Variants in CHM observed in about 807,000 individuals in gnomAD.
CHM encodes the protein CHM Rab escort protein, also known as rab proteins geranylgeranyltransferase component A 1.
A neutral mutation model predicts 49.0 loss-of-function variants in CHM; 10 were observed. The observed-to-expected ratio is 0.20, with a 90% CI of 0.13 to 0.35. CHM has a LOEUF of 0.35. CHM is among the 10% of genes least tolerant of loss of function. The pLI is 1.00. For synonymous variants in CHM, 184 were observed against 167.5 expected, an observed-to-expected ratio of 1.10 and a Z score of -0.76; for missense variants, 455 against 478.4, an observed-to-expected ratio of 0.95 and a Z score of 0.46.
At position 85,864,008 on chromosome X, in the gene CHM, A is replaced by C. The variant is rs1923532868; in HGVS notation, c.*622T>G. 8.9e-6 allele frequency: 1 copy of C among 112,318 alleles called. No individual in the cohort carries two copies. The highest frequency in any genetic ancestry group is 3.7e-4 in the South Asian group (1 of 2,736). 9.3% of individuals were successfully genotyped at this position (112,318 alleles called of 1,213,427 possible). The stretch of plus-strand genomic sequence containing the variant: ...ATTGACCTTTCCCAATATGTAAATA[A>C]TTTACAAACAAATATCACTACTGAT... On this transcript the variant is annotated 3_prime_UTR_variant, in exon 15 of 15. Coordinates refer to ENST00000357749, the MANE Select transcript of CHM (RefSeq NM_000390.4).
Position 85,894,178 on chromosome X carries a change from C to T in CHM, c.1510+10G>A, listed in dbSNP as rs779922845. On this transcript the variant is annotated intron_variant, in intron 12 of 14. Coordinates refer to ENST00000357749, the MANE Select transcript of CHM (RefSeq NM_000390.4). ...ACACAAAATACAAATAACCACTCTA[C>T]TATGCTTACAGGTGCCTTTCATGCA... 1 of 1,188,837 alleles carries T rather than the reference C, an allele frequency of 8.4e-7. No homozygotes were observed. Among genetic ancestry groups the T allele is most frequent in the Non-Finnish European group, 1.1e-6 (1 of 874,721 alleles).
In CHM at chrX:85,933,084, T is replaced by TG. The variant is rs1431437880; in HGVS notation, c.1167-21747dup. Among the ~76,000 whole-genome samples the TG allele has an allele frequency of 3.6e-5, 4 of 111,162 alleles. 1 individual carries two copies. Among genetic ancestry groups the TG allele is most frequent in the African/African-American group, 6.5e-5 (2 of 30,548 alleles). On this transcript the variant is annotated intron_variant, in intron 8 of 14. Transcript: ENST00000357749. ...TCAAAGCCAGGCACAGTGGTGTGCT[T>TG]GTAGTCCCAGTTACTTGGGAGGCTA...
Position 85,964,105 on chromosome X carries a change from C to T in CHM, c.315-53G>A, listed in dbSNP as rs146413301. On this transcript the variant is annotated intron_variant, in intron 4 of 14. Transcript: ENST00000357749. ...AGGCTTTATATATATATTCCCTTAC[C>T]CCTTTTATCAAGTTCAGTGTACGTT... 1.8e-4 allele frequency: 193 copies of T among 1,088,407 alleles called. No individual in the cohort carries two copies. The Middle Eastern group carries it at 1.9e-3, about 11-fold the overall frequency. The allele number at this position is 1,088,407 out of a possible 1,213,427, so 89.7% of individuals were successfully genotyped here.
chrX:85,917,011 C>T (rs5923404), intron 8 of CHM, among the ~76,000 whole-genome samples: 648 of 112,257 alleles, frequency 5.8e-3, no homozygotes, highest in Middle Eastern at 0.014. Flanking sequence ...TATTGCAGCA[C>T]TCTTCACAAC....
intron 8 of CHM, among the ~76,000 whole-genome samples, chrX:85,922,277 A>C (rs763952473): frequency 8.9e-6 from 1 of 112,835 alleles, no homozygotes; most frequent in Non-Finnish European, 1.9e-5. Flanking sequence ...GTATAAAGTA[A>C]ATTATCAGAG....
intron 8 of CHM, among the ~76,000 whole-genome samples, chrX:85,941,772 G>A (rs1291601396): frequency 9.0e-6 from 1 of 110,563 alleles, no homozygotes; most frequent in Non-Finnish European, 1.9e-5. Flanking sequence ...AAAAAAAATC[G>A]CTGATTCCTA....
chrX:85,888,547 G>C (rs1375758395), intron 12 of CHM, among the ~76,000 whole-genome samples: 1 of 111,270 alleles, frequency 9.0e-6, no homozygotes, highest in Non-Finnish European at 1.9e-5. Flanking sequence ...AACCAACATA[G>C]CAAGACTCTG....
chrX:85,945,112 A>T (rs891581862), intron 8 of CHM, among the ~76,000 whole-genome samples: 1 of 111,387 alleles, frequency 9.0e-6, no homozygotes, highest in African/African-American at 3.3e-5. Flanking sequence ...GGGAAAAAAT[A>T]GATGCTGGGA....
chrX:85,872,973 TCTCTC>T, intron 14 of CHM, 74 bp downstream of exon 14: 1 of 1,014,377 alleles, frequency 9.9e-7, no homozygotes, highest in Non-Finnish European at 1.4e-6. Flanking sequence ...TTTCTAGACT[TCTCTC>T]CTCCCAGAGG....
intron 12 of CHM, among the ~76,000 whole-genome samples, chrX:85,887,949 A>AGTGCT (rs1487888912): frequency 1.8e-5 from 2 of 112,146 alleles, no homozygotes; most frequent in Non-Finnish European, 1.9e-5. Flanking sequence ...AAAGGGAAAC[A>AGTGCT]GTGCATAAAA....
intron 2 of CHM, among the ~76,000 whole-genome samples, chrX:86,006,284 T>C (rs1385180096): frequency 9.0e-6 from 1 of 111,639 alleles, no homozygotes; most frequent in Non-Finnish European, 1.9e-5. Flanking sequence ...GAGCTATTTA[T>C]GACAAACCCA....
chrX:85,881,653 C>A (rs1359407963), intron 12 of CHM, among the ~76,000 whole-genome samples: 3 of 111,463 alleles, frequency 2.7e-5, no homozygotes, highest in Admixed American at 9.6e-5. Context: ...TTCTAATAAT[C>A]TCCTGCAGAA....
At chrX:85,913,724 T>C (rs934943953) in intron 8 of CHM, among the ~76,000 whole-genome samples, 2 of 110,379 alleles carry the variant, frequency 1.8e-5, no homozygotes, top group East Asian at 5.7e-4. Flanking sequence ...CATGAATGTA[T>C]GGAAATGATG....
chrX:86,045,423 A>G (rs1482698685), intron 1 of CHM, among the ~76,000 whole-genome samples: 4 of 112,348 alleles, frequency 3.6e-5, no homozygotes, highest in Admixed American at 9.4e-5. Flanking sequence ...GCAAAATTAC[A>G]TATCATAAAT....
chrX:85,970,907 G>C, intron 4 of CHM: 1 of 725,852 alleles, frequency 1.4e-6, no homozygotes, highest in Non-Finnish European at 1.6e-6. Context: ...CCTAGCCTAT[G>C]ATAGAATAAT....
intron 8 of CHM, among the ~76,000 whole-genome samples, chrX:85,925,045 T>C (rs905018052): frequency 2.7e-5 from 3 of 111,782 alleles, no homozygotes; most frequent in Non-Finnish European, 5.6e-5. Flanking sequence ...AGTAAAACTA[T>C]GTATTGGATG....
intron 8 of CHM, among the ~76,000 whole-genome samples, chrX:85,950,768 T>C (rs1159100867): frequency 5.4e-5 from 6 of 111,932 alleles, no homozygotes; most frequent in Middle Eastern, 9.3e-3. Flanking sequence ...TAATTTCATA[T>C]GGTTCAACCT....
intron 11 of CHM, among the ~76,000 whole-genome samples, chrX:85,899,558 T>C (rs1047949733): frequency 1.8e-5 from 2 of 110,519 alleles, no homozygotes; most frequent in Non-Finnish European, 3.8e-5. Context: ...TGGATGGAAA[T>C]CCTTAAGAAA....
intron 9 of CHM, among the ~76,000 whole-genome samples, chrX:85,909,317 T>C (rs1476413791): frequency 9.0e-6 from 1 of 111,452 alleles, no homozygotes; most frequent in Non-Finnish European, 1.9e-5. Context: ...AGCCCCCAGT[T>C]TGTGATGGAA....
Sources: allele counts gnomAD v4.1 joint callset (sites outside exome capture counted in the v4.1 genomes callset), GRCh38; gene constraint gnomAD v4.1.1; transcripts MANE v1.5; gene names NCBI Gene and HGNC (gene_info 2026-07-23, HGNC 2026-07-21).